IQCM: variants seen among roughly 807,000 people sequenced by gnomAD.
The protein encoded by IQCM is IQ domain-containing protein M.
A neutral mutation model predicts 57.6 loss-of-function variants in IQCM; 45 were observed. The ratio of observed to expected loss-of-function variants is 0.78; its 90% CI spans 0.62 to 1.00. The LOEUF (loss-of-function observed/expected upper bound fraction) is 1.00, where lower values mean the gene tolerates loss of function less well. Among genes scored for constraint, IQCM ranks in the 50% least tolerant of loss-of-function variants. IQCM has a pLI of 0.00. For missense variants in IQCM, 468 were observed against 511.6 expected (o/e 0.91, Z 0.82); for synonymous variants, 148 against 158.9 (o/e 0.93, Z 0.51).
intron 5 of IQCM, among the ~76,000 whole-genome samples, chr4:149,694,553 C>T (rs1302512094): frequency 1.4e-4 from 21 of 152,156 alleles, no homozygotes; most frequent in Non-Finnish European, 7.4e-5. Flanking sequence ...TCCACACACA[C>T]ACACACAAAA....
Position 149,529,344 on chromosome 4 carries a change from C to T in IQCM, c.1228+19111G>A, listed in dbSNP as rs531272105. Among the ~76,000 whole-genome samples the T allele has an allele frequency of 1.4e-4, 21 of 152,262 alleles. No homozygotes were observed. The South Asian group carries it at 3.9e-3, about 29-fold the overall frequency. On this transcript the variant is annotated intron_variant, in intron 12 of 13. Coordinates refer to ENST00000636793, the MANE Select transcript of IQCM (RefSeq NM_001363507.2). ...CCTCCCAAAGTGCTGGGATTACAGG[C>T]GTGAGCCACCACACCCAACCAGAAG...
At chr4:149,673,924 A>G (rs1266420728) in intron 7 of IQCM, among the ~76,000 whole-genome samples, 1 of 152,154 alleles carries the variant, frequency 6.6e-6, no homozygotes, top group Admixed American at 6.6e-5. Flanking sequence ...CGTATGAGCC[A>G]TGAAAGCAAA....
At chr4:149,620,611 C>A (rs1756246065) in intron 8 of IQCM, among the ~76,000 whole-genome samples, 1 of 152,160 alleles carries the variant, frequency 6.6e-6, no homozygotes, top group Non-Finnish European at 1.5e-5. Flanking sequence ...TATATTAGGA[C>A]TTGCTTTGAG....
intron 2 of IQCM, among the ~76,000 whole-genome samples, chr4:149,771,138 A>C (rs937083431): frequency 6.6e-6 from 1 of 152,092 alleles, no homozygotes; most frequent in Non-Finnish European, 1.5e-5. Context: ...TTCTATAAAG[A>C]ACACAATTTT....
Position 149,433,438 on chromosome 4 carries a change from A to G in IQCM, c.1348T>C (p.Leu450=). The part of the protein sequence containing the change: ...PDSTLLKSTW[L]RPIVNGEEGY... The stretch of plus-strand genomic sequence containing the variant: ...TCTTCCCCATTTACTATGGGTCTCA[A>G]CCAAGTCGACTTGAGTAGTGTACTG... The change falls in exon 13 of 14, where the codon TTG becomes CTG. Residue 450 remains leucine (L), a synonymous_variant. Coordinates refer to ENST00000636793, the MANE Select transcript of IQCM (RefSeq NM_001363507.2). 1 of 1,227,136 alleles carries G rather than the reference A, an allele frequency of 8.1e-7. No homozygotes were observed. The highest frequency in any genetic ancestry group is 1.0e-6 in the Non-Finnish European group (1 of 983,780). 76.0% of individuals were successfully genotyped at this position (1,227,136 alleles called of 1,614,324 possible).
chr4:149,795,206 A>G (rs112120787), intron 2 of IQCM, among the ~76,000 whole-genome samples: 2,199 of 152,304 alleles, frequency 0.014, 27 homozygotes, highest in African/African-American at 0.03. Flanking sequence ...TAAACAGGGC[A>G]TAGATTAAAA....
chr4:149,371,182 A>G (rs2110981274), intron 13 of IQCM, among the ~76,000 whole-genome samples: 1 of 152,248 alleles, frequency 6.6e-6, no homozygotes, highest in South Asian at 2.1e-4. Flanking sequence ...AATATGCTCA[A>G]AGTTGTAAAT....
intron 12 of IQCM, among the ~76,000 whole-genome samples, chr4:149,525,949 T>C (rs1211220397): frequency 6.6e-6 from 1 of 151,794 alleles, no homozygotes; most frequent in Non-Finnish European, 1.5e-5. Flanking sequence ...AGGCAATCCA[T>C]AGAAGAGCTA....
At chr4:149,579,389 A>G (rs1375794983) in intron 9 of IQCM, among the ~76,000 whole-genome samples, 1 of 151,760 alleles carries the variant, frequency 6.6e-6, no homozygotes, top group African/African-American at 2.4e-5. Flanking sequence ...ATATGCTCTA[A>G]CTCAGGTTTA....
At chr4:149,465,169 A>T (rs534383179) in intron 12 of IQCM, among the ~76,000 whole-genome samples, 1 of 152,328 alleles carries the variant, frequency 6.6e-6, no homozygotes, top group African/African-American at 2.4e-5. Context: ...ATTTTTTTAC[A>T]TTATTGAATA....
At chr4:149,681,727 A>G (rs1579980513) in intron 7 of IQCM, among the ~76,000 whole-genome samples, 1 of 151,120 alleles carries the variant, frequency 6.6e-6, no homozygotes, top group South Asian at 2.1e-4. Context: ...CTAGGTCTTT[A>G]AGCAGTTCAA....
rs138599536 is a variant in IQCM, at chr4:149,361,695, T to C, written c.1391-9629A>G. ...ACCTCCTCCTAGATTTCAGAAGATG[T>C]ATGGAAATGCCTAGAAGCCCAGACA... On this transcript the variant is annotated intron_variant, in intron 13 of 13. Transcript: ENST00000636793. Among the ~76,000 whole-genome samples the C allele has an allele frequency of 9.0e-3, 1,366 of 152,170 alleles. 12 individuals carry two copies. The highest frequency in any genetic ancestry group is 0.027 in the Middle Eastern group (8 of 294).
chr4:149,576,654 A>T (rs1215721164), intron 9 of IQCM, among the ~76,000 whole-genome samples: 1 of 152,000 alleles, frequency 6.6e-6, no homozygotes, highest in Non-Finnish European at 1.5e-5. Context: ...ACTGATGGAC[A>T]TTTAGGTTGA....
At chr4:149,784,583 T>C (rs1284755083) in intron 2 of IQCM, among the ~76,000 whole-genome samples, 1 of 152,116 alleles carries the variant, frequency 6.6e-6, no homozygotes, top group Non-Finnish European at 1.5e-5. Flanking sequence ...GCCTGGCTAA[T>C]TTTTTGTATT....
intron 12 of IQCM, among the ~76,000 whole-genome samples, chr4:149,468,023 G>A (rs1294983490): frequency 1.3e-5 from 2 of 152,124 alleles, no homozygotes; most frequent in East Asian, 3.9e-4. Context: ...CTAGGGGGAG[G>A]CTCCAAGATG....
At chr4:149,383,217 TTAAA>T (rs1335368622) in intron 13 of IQCM, among the ~76,000 whole-genome samples, 2 of 152,166 alleles carry the variant, frequency 1.3e-5, no homozygotes, top group African/African-American at 4.8e-5. Flanking sequence ...TGTAGACACT[TTAAA>T]TAATGATATG....
At chr4:149,690,143 A>G (rs1474766486) in intron 5 of IQCM, among the ~76,000 whole-genome samples, 1 of 152,196 alleles carries the variant, frequency 6.6e-6, no homozygotes, top group Non-Finnish European at 1.5e-5. Flanking sequence ...TCACAATTGC[A>G]AAGACATAGA....
chr4:149,570,568 T>C (rs1199838135), intron 9 of IQCM, among the ~76,000 whole-genome samples: 2 of 152,080 alleles, frequency 1.3e-5, no homozygotes, highest in Admixed American at 6.6e-5. Flanking sequence ...TCCTAATTCC[T>C]AACCTCAATG....
intron 13 of IQCM, among the ~76,000 whole-genome samples, chr4:149,412,045 T>C (rs1219807947): frequency 3.4e-5 from 5 of 148,960 alleles, no homozygotes; most frequent in Admixed American, 6.8e-5. Flanking sequence ...TCTTAAAACA[T>C]GTAACATTTA....
Sources: allele counts gnomAD v4.1 joint callset (sites outside exome capture counted in the v4.1 genomes callset), GRCh38; gene constraint gnomAD v4.1.1; transcripts MANE v1.5; gene names NCBI Gene and HGNC (gene_info 2026-07-23, HGNC 2026-07-21).